CTNNA2: variants seen among roughly 807,000 people sequenced by gnomAD.
CTNNA2 encodes catenin alpha-2.
CTNNA2 carries 42 observed loss-of-function variants against 101.0 expected under a neutral mutation model. That is an observed-to-expected ratio of 0.42 (90% confidence interval 0.32 to 0.54). The LOEUF is 0.54. Among genes scored for constraint, CTNNA2 ranks in the 20% least tolerant of loss-of-function variants. CTNNA2 has a pLI of 0.14. For synonymous variants in CTNNA2, 450 were observed against 456.4 expected (o/e 0.99, Z 0.18); for missense variants, 871 against 1,223.1 (o/e 0.71, Z 4.29).
At chr2:80,546,099 G>A in intron 11 of CTNNA2, 36 bp downstream of exon 11, 1 of 1,609,148 alleles carries the variant, frequency 6.2e-7, no homozygotes, top group Non-Finnish European at 8.5e-7. Flanking sequence ...CAAGGCAGCT[G>A]GAGGAGGGTA....
intron 12 of CTNNA2, among the ~76,000 whole-genome samples, chr2:80,569,633 G>GTTTTTTGTTTTTTT (rs1553392642): frequency 1.2e-4 from 6 of 51,738 alleles, no homozygotes; most frequent in African/African-American, 3.7e-4. Flanking sequence ...GGGTATTTAG[G>GTTTTTTGTTTTTTT]TTTTTTTTTT....
intron 1 of CTNNA2, among the ~76,000 whole-genome samples, chr2:79,571,642 A>G (rs1675466486): frequency 6.6e-6 from 1 of 152,118 alleles, no homozygotes; most frequent in Admixed American, 6.6e-5. Flanking sequence ...CTTTGGTCAT[A>G]TTCCTACCTT....
At chr2:79,778,628 A>G (rs1032681668) in intron 3 of CTNNA2, among the ~76,000 whole-genome samples, 4 of 152,180 alleles carry the variant, frequency 2.6e-5, no homozygotes, top group African/African-American at 9.7e-5. Flanking sequence ...CACACGTAAC[A>G]TACGTACTTT....
At chr2:80,133,512 T>C (rs1199782768) in intron 7 of CTNNA2, among the ~76,000 whole-genome samples, 1 of 152,024 alleles carries the variant, frequency 6.6e-6, no homozygotes, top group Non-Finnish European at 1.5e-5. Flanking sequence ...TAAGCCCAAA[T>C]GTATATAGAG....
intron 9 of CTNNA2, among the ~76,000 whole-genome samples, chr2:80,467,440 C>A (rs988958697): frequency 6.6e-6 from 1 of 152,126 alleles, no homozygotes; most frequent in African/African-American, 2.4e-5. Context: ...CATGAAACTT[C>A]TTTGTACTAT....
At chr2:79,339,976 C>CT (rs1280168066) in intron 3 of CTNNA2, 4 of 152,202 alleles carry the variant, frequency 2.6e-5, no homozygotes, top group African/African-American at 9.7e-5. Context: ...GATAGGCTTG[C>CT]TTTATGCTGC....
At chr2:80,109,851 C>G (rs576160423) in intron 7 of CTNNA2, among the ~76,000 whole-genome samples, 42 of 150,970 alleles carry the variant, frequency 2.8e-4, no homozygotes, top group African/African-American at 1.0e-3. Context: ...TTTACTTCCT[C>G]CACCAGTTCT....
chr2:80,076,519 G>A (rs1479715706), intron 7 of CTNNA2, among the ~76,000 whole-genome samples: 1 of 151,746 alleles, frequency 6.6e-6, no homozygotes, highest in Non-Finnish European at 1.5e-5. Flanking sequence ...CTGGGCTCAA[G>A]CGATCCTCCT....
chr2:80,397,856 A>G lies in CTNNA2; in HGVS notation c.1137+4565A>G, dbSNP rs191489591. On this transcript the variant is annotated intron_variant, in intron 8 of 18. Coordinates refer to ENST00000402739, the MANE Select transcript of CTNNA2 (RefSeq NM_001282597.3). ...ATTTTACTCTATCCTGCCTCTCCGT[A>G]GAACCAACATAAGCATGTGGGTCAA... Among the ~76,000 whole-genome samples, 6 of 152,270 alleles carry G rather than the reference A, an allele frequency of 3.9e-5. No individual in the cohort carries two copies. In the East Asian group the frequency reaches 1.2e-3, roughly 30 times the overall value.
At chr2:79,660,704 C>T (rs11687661) in intron 2 of CTNNA2, among the ~76,000 whole-genome samples, 34,037 of 151,854 alleles carry the variant, frequency 0.22, 4,056 homozygotes, top group Admixed American at 0.27. Flanking sequence ...AGATTAATTT[C>T]TGTTTTGGGA....
In CTNNA2 at chr2:79,519,591, T is replaced by C. The variant is rs150204834; in HGVS notation, c.-6+6384T>C. Among the ~76,000 whole-genome samples the C allele has an allele frequency of 2.0e-5, 3 of 152,336 alleles. No individual in the cohort carries two copies. The East Asian group carries it at 5.8e-4, about 29-fold the overall frequency. ...ATTCTATAATTCTACATGTGTTTTT[T>C]TCTTAAAATTTCAAGGCAAATGATT... is the stretch of plus-strand genomic sequence containing the variant. On this transcript the variant is annotated intron_variant, in intron 1 of 18. Transcript: ENST00000402739.
At chr2:79,315,746 G>A (rs1226542474) in intron 3 of CTNNA2, among the ~76,000 whole-genome samples, 4 of 152,024 alleles carry the variant, frequency 2.6e-5, no homozygotes, top group Admixed American at 1.3e-4. Context: ...ATGGACCTAC[G>A]TTTTCATTTC....
chr2:79,628,534 C>T (rs540102939), intron 1 of CTNNA2, among the ~76,000 whole-genome samples: 1 of 152,012 alleles, frequency 6.6e-6, no homozygotes, highest in South Asian at 2.1e-4. Flanking sequence ...AAAAATCTTA[C>T]AGGATAGGTA....
intron 3 of CTNNA2, among the ~76,000 whole-genome samples, chr2:79,776,349 A>G (rs1190484238): frequency 6.6e-6 from 1 of 152,202 alleles, no homozygotes; most frequent in East Asian, 1.9e-4. Context: ...GTGTCTGGGT[A>G]CCACCAAAGC....
intron 9 of CTNNA2, among the ~76,000 whole-genome samples, chr2:80,425,534 C>A (rs1197320198): frequency 6.6e-6 from 1 of 152,174 alleles, no homozygotes; most frequent in Admixed American, 6.5e-5. Flanking sequence ...CCCAGGGCGC[C>A]TTTGATCTCT....
In CTNNA2 at chr2:79,476,783, C is replaced by T. The variant is rs74832838; in HGVS notation, c.-134-28271C>T. ...CCTGTGACAATTTTTGCTAGCCACT[C>T]GGTCTCTCGGCTACCTTTGCCATCC... On this transcript the variant is annotated intron_variant, in intron 4 of 21. Transcript: ENST00000466387. 3.2e-4 allele frequency among the ~76,000 whole-genome samples: 48 copies of T among 152,268 alleles called. No homozygotes were observed. In the East Asian group the frequency reaches 8.9e-3, roughly 28 times the overall value.
intron 1 of CTNNA2, among the ~76,000 whole-genome samples, chr2:79,600,896 T>C: frequency 6.6e-6 from 1 of 152,110 alleles, no homozygotes; most frequent in Middle Eastern, 3.2e-3. Flanking sequence ...ATAAGGGTGC[T>C]AATCCCATTC....
intron 18 of CTNNA2, among the ~76,000 whole-genome samples, chr2:80,633,206 T>C (rs1558663288): frequency 6.6e-6 from 1 of 152,036 alleles, no homozygotes; most frequent in African/African-American, 2.4e-5. Flanking sequence ...CATTAAAAGA[T>C]TATGTTTTAA....
At chr2:79,728,919 C>T (rs529791395) in intron 2 of CTNNA2, among the ~76,000 whole-genome samples, 1 of 152,098 alleles carries the variant, frequency 6.6e-6, no homozygotes, top group African/African-American at 2.4e-5. Context: ...GGGCTCTGTT[C>T]TGTTCCATTG....
Sources: allele counts gnomAD v4.1 joint callset (sites outside exome capture counted in the v4.1 genomes callset), GRCh38; gene constraint gnomAD v4.1.1; transcripts MANE v1.5; gene names NCBI Gene and HGNC (gene_info 2026-07-23, HGNC 2026-07-21).